ADAMTSL1: variants seen among roughly 807,000 people sequenced by gnomAD.
ADAMTSL1 encodes the protein ADAMTS-like protein 1.
In ADAMTSL1, 126 loss-of-function variants were observed where a neutral mutation model predicts 201.8. That is an observed-to-expected ratio of 0.62 (90% CI 0.54 to 0.72). The LOEUF is 0.72. ADAMTSL1 is among the 30% of genes least tolerant of loss of function. The pLI is 0.00. For synonymous variants in ADAMTSL1, 1,121 were observed against 903.4 expected (o/e 1.24, Z -4.32); for missense variants, 2,679 against 2,277.8 (o/e 1.18, Z -3.59).
At chr9:17,973,088 C>A (rs1475096526) in intron 1 of ADAMTSL1, among the ~76,000 whole-genome samples, 1 of 43,250 alleles carries the variant, frequency 2.3e-5, no homozygotes, top group African/African-American at 6.8e-5. Context: ...GAGTAGGTTG[C>A]AAAAATTTTC....
intron 1 of ADAMTSL1, among the ~76,000 whole-genome samples, chr9:18,485,678 T>C (rs1029039999): frequency 3.9e-5 from 6 of 152,152 alleles, no homozygotes; most frequent in Non-Finnish European, 5.9e-5. Context: ...GCAGAGGGAC[T>C]TGCACGGCAA....
At chr9:18,795,125 G>C (rs1051889059) in intron 19 of ADAMTSL1, among the ~76,000 whole-genome samples, 4 of 152,188 alleles carry the variant, frequency 2.6e-5, no homozygotes, top group African/African-American at 7.2e-5. Context: ...GTGCACATAT[G>C]TTGTCTGGTC....
intron 1 of ADAMTSL1, among the ~76,000 whole-genome samples, chr9:18,049,824 C>T (rs746294593): frequency 2.0e-4 from 30 of 152,060 alleles, no homozygotes; most frequent in Non-Finnish European, 3.8e-4. Flanking sequence ...AGGGTTTTAC[C>T]GTGTTAGCCA....
At chr9:18,318,029 G>A (rs1464299275) in intron 2 of ADAMTSL1, among the ~76,000 whole-genome samples, 1 of 152,002 alleles carries the variant, frequency 6.6e-6, no homozygotes, top group Non-Finnish European at 1.5e-5. Context: ...TTTTAATCTT[G>A]CTGAGCCTCT....
At chr9:18,896,127 G>C (rs1829622042) in intron 26 of ADAMTSL1, among the ~76,000 whole-genome samples, 1 of 152,170 alleles carries the variant, frequency 6.6e-6, no homozygotes, top group African/African-American at 2.4e-5. Flanking sequence ...CATTTTGAGA[G>C]TCTCAGAAGA....
intron 11 of ADAMTSL1, 114 bp from the exon 12 acceptor site, chr9:18,681,697 TG>T (rs1554728661): frequency 0.1 from 23,765 of 232,928 alleles, 11 homozygotes; most frequent in Admixed American, 0.19. Context: ...AGTCCTCGTG[TG>T]GGGGGGGGGG....
chr9:18,134,499 A>G (rs898359639), intron 1 of ADAMTSL1, among the ~76,000 whole-genome samples: 1 of 152,164 alleles, frequency 6.6e-6, no homozygotes, highest in African/African-American at 2.4e-5. Context: ...AGGATTCTGT[A>G]AAAAGTGCAG....
chr9:18,277,844 A>G (rs1017165934), intron 2 of ADAMTSL1, among the ~76,000 whole-genome samples: 1 of 152,118 alleles, frequency 6.6e-6, no homozygotes. Flanking sequence ...CTTATTTCTG[A>G]AGGAACAAGT....
intron 14 of ADAMTSL1, among the ~76,000 whole-genome samples, chr9:18,716,293 A>G (rs1307673180): frequency 6.6e-6 from 1 of 152,004 alleles, no homozygotes; most frequent in Non-Finnish European, 1.5e-5. Flanking sequence ...CAGCAGAGTG[A>G]ACAGGCAACC....
intron 8 of ADAMTSL1, among the ~76,000 whole-genome samples, chr9:18,660,852 G>A (rs1324744114): frequency 6.6e-6 from 1 of 151,906 alleles, no homozygotes; most frequent in African/African-American, 2.4e-5. Context: ...TTCTGTGGGT[G>A]GTCTGAGAAC....
chr9:18,790,918 C>A (rs974699599), intron 19 of ADAMTSL1, among the ~76,000 whole-genome samples: 6 of 152,078 alleles, frequency 3.9e-5, no homozygotes, highest in African/African-American at 1.4e-4. Flanking sequence ...CTTAATTGTA[C>A]CCATTCTATG....
intron 25 of ADAMTSL1, among the ~76,000 whole-genome samples, chr9:18,890,111 A>T (rs936977166): frequency 6.6e-6 from 1 of 152,142 alleles, no homozygotes; most frequent in African/African-American, 2.4e-5. Context: ...TGTCTTTTCA[A>T]TCGAAGGGCT....
intron 2 of ADAMTSL1, among the ~76,000 whole-genome samples, chr9:18,442,823 C>A (rs1820048852): frequency 6.6e-6 from 1 of 152,178 alleles, no homozygotes; most frequent in Non-Finnish European, 1.5e-5. Context: ...TAGTGGCCTG[C>A]AAGTCATTTG....
At chr9:17,908,941 T>C (rs959917665) in intron 1 of ADAMTSL1, among the ~76,000 whole-genome samples, 1 of 151,744 alleles carries the variant, frequency 6.6e-6, no homozygotes, top group Non-Finnish European at 1.5e-5. Context: ...CCACCAACAG[T>C]GTAAAAGTGT....
intron 2 of ADAMTSL1, among the ~76,000 whole-genome samples, chr9:18,234,430 A>G (rs1054647537): frequency 2.0e-5 from 3 of 151,838 alleles, no homozygotes; most frequent in African/African-American, 4.8e-5. Flanking sequence ...CTGGTGTTCT[A>G]GATGCTGCTC....
intron 2 of ADAMTSL1, among the ~76,000 whole-genome samples, chr9:18,173,025 C>T (rs72701527): frequency 0.033 from 4,958 of 152,170 alleles, 118 homozygotes; most frequent in Non-Finnish European, 0.053. Context: ...ATGCATAGTA[C>T]ACTTTAGCCC....
chr9:18,579,980 G>C (rs891617487), intron 4 of ADAMTSL1, among the ~76,000 whole-genome samples: 9 of 152,088 alleles, frequency 5.9e-5, no homozygotes, highest in African/African-American at 2.2e-4. Flanking sequence ...TATTTTGAAA[G>C]CAAATAGAGA....
At chr9:18,172,345 G>C (rs1827937184) in intron 2 of ADAMTSL1, among the ~76,000 whole-genome samples, 1 of 152,020 alleles carries the variant, frequency 6.6e-6, no homozygotes, top group Non-Finnish European at 1.5e-5. Flanking sequence ...TGAATCATTA[G>C]AAGGACACAT....
chr9:18,723,149 AT>A, intron 15 of ADAMTSL1: 1 of 731,078 alleles, frequency 1.4e-6, no homozygotes, highest in Non-Finnish European at 2.5e-6. Flanking sequence ...ATGTTTCCAC[AT>A]CTGCAAAGTG....
Sources: gnomAD v4.1 joint callset for allele counts (sites outside exome capture counted in the v4.1 genomes callset) on GRCh38, gnomAD v4.1.1 for gene constraint, MANE v1.5 for transcripts, NCBI Gene and HGNC (gene_info 2026-07-23, HGNC 2026-07-21) for gene names.